The following PCNX1 variants were observed in gnomAD, a reference collection of about 807,000 sequenced individuals.
PCNX1 encodes the protein pecanex-like protein 1.
A neutral mutation model predicts 242.2 loss-of-function variants in PCNX1; 78 were observed. The observed-to-expected ratio is 0.32, with a 90% CI of 0.27 to 0.39. PCNX1 has a LOEUF of 0.39. Among genes scored for constraint, PCNX1 ranks in the 10% least tolerant of loss-of-function variants. PCNX1 has a pLI of 1.00. For missense variants in PCNX1, 2,581 were observed against 2,856.5 expected, an observed-to-expected ratio of 0.90 and a Z score of 2.20; for synonymous variants, 1,024 against 1,032.9, an observed-to-expected ratio of 0.99 and a Z score of 0.17.
chr14:70,989,446 C>A lies in PCNX1; in HGVS notation c.2444+747C>A, dbSNP rs75319187. On this transcript the variant is annotated intron_variant, in intron 7 of 35. Transcript: ENST00000304743. ...TTTATTCTTAATTACATCAAATCTG[C>A]TGAATCTATGCCCTGAATTAGAAAT... 9.7e-3 allele frequency among the ~76,000 whole-genome samples: 1,465 copies of A among 151,738 alleles called. 19 individuals carry two copies. Among genetic ancestry groups the A allele is most frequent in the African/African-American group, 0.033 (1,354 of 41,390 alleles).
intron 1 of PCNX1, among the ~76,000 whole-genome samples, chr14:70,911,643 G>C (rs2526875): frequency 0.5 from 76,121 of 151,872 alleles, 19,706 homozygotes; most frequent in Non-Finnish European, 0.57. Context: ...TCTTGGCTTT[G>C]TTATTGATTG....
chr14:71,023,535 G>A (rs2060161445), intron 13 of PCNX1, among the ~76,000 whole-genome samples: 1 of 151,976 alleles, frequency 6.6e-6, no homozygotes, highest in Admixed American at 6.6e-5. Context: ...GATTATTTGT[G>A]TTTAATACAT....
intron 5 of PCNX1, among the ~76,000 whole-genome samples, chr14:70,974,244 G>GTTTTTTTTTTTT (rs1202073692): frequency 1.2e-4 from 14 of 117,240 alleles, no homozygotes; most frequent in South Asian, 2.8e-4. Context: ...TTTTTTTGTT[G>GTTTTTTTTTTTT]TTTTTTTTTT....
chr14:70,989,064 T>G (rs1444022839), intron 7 of PCNX1, among the ~76,000 whole-genome samples: 1 of 152,076 alleles, frequency 6.6e-6, no homozygotes, highest in African/African-American at 2.4e-5. Context: ...TAATATAATA[T>G]GAACAAATAC....
intron 30 of PCNX1, 27 bp downstream of exon 30, chr14:71,089,369 A>T (rs777978244): frequency 6.4e-7 from 1 of 1,560,424 alleles, no homozygotes; most frequent in African/African-American, 1.4e-5. Flanking sequence ...TTTCTAATTC[A>T]TTACTGGTGT....
rs2061049399 is a variant in PCNX1 at position 71,051,956 on chromosome 14, T to C, written c.4521T>C (p.Ser1507=). ...CTCCACTGAACCCCTTTCTGGGAAG[T>C]GCAATATTCATCACTTCATATGTCC... ...FSTPLNPFLG[S]AIFITSYVRP... is the part of the protein sequence containing the mutation. The change falls in exon 24 of 36, where the codon AGT becomes AGC. Residue 1507 remains serine, a synonymous_variant. Coordinates refer to ENST00000304743, the MANE Select transcript of PCNX1 (RefSeq NM_014982.3). 2 of 1,613,410 alleles carry C rather than the reference T, an allele frequency of 1.2e-6. No homozygotes were observed. Among genetic ancestry groups the C allele is most frequent in the Non-Finnish European group, 1.7e-6 (2 of 1,179,518 alleles).
intron 26 of PCNX1, among the ~76,000 whole-genome samples, chr14:71,061,464 A>G (rs568289003): frequency 3.3e-5 from 5 of 152,186 alleles, no homozygotes; most frequent in African/African-American, 9.7e-5. Context: ...CCCGGTATCA[A>G]AGTGGTATTT....
At chr14:70,945,487 T>A (rs1257885273) in intron 1 of PCNX1, among the ~76,000 whole-genome samples, 1 of 151,766 alleles carries the variant, frequency 6.6e-6, no homozygotes, top group Non-Finnish European at 1.5e-5. Flanking sequence ...ATACCTATTA[T>A]GCCGACACTC....
At chr14:70,925,496 C>T (rs1168577083) in intron 1 of PCNX1, among the ~76,000 whole-genome samples, 2 of 151,038 alleles carry the variant, frequency 1.3e-5, no homozygotes, top group African/African-American at 4.9e-5. Flanking sequence ...TTTCCAGTGA[C>T]TTCCGGTCAT....
rs78811999 is a variant in PCNX1 at position 70,935,332 on chromosome 14, A to G, written c.154-11583A>G. 8.6e-3 allele frequency among the ~76,000 whole-genome samples: 1,317 copies of G among 152,292 alleles called. 10 individuals carry two copies. The highest frequency in any genetic ancestry group is 0.03 in the African/African-American group (1,242 of 41,548). On this transcript the variant is annotated intron_variant, in intron 1 of 35. Coordinates refer to ENST00000304743, the MANE Select transcript of PCNX1 (RefSeq NM_014982.3). ...AAGGTTGAGGTGGGAGAATCACTTG[A>G]GGCCAAGAGTTTGAGAACAGCCTGG...
In PCNX1 at chr14:71,006,820, G is replaced by C. The variant is rs7145484; in HGVS notation, c.2630-2814G>C. Among the ~76,000 whole-genome samples, 550 of 152,000 alleles carry C rather than the reference G, an allele frequency of 3.6e-3. 1 individual carries two copies. The highest frequency in any genetic ancestry group is 0.013 in the African/African-American group (534 of 41,460). On this transcript the variant is annotated intron_variant, in intron 8 of 35. Coordinates refer to ENST00000304743, the MANE Select transcript of PCNX1 (RefSeq NM_014982.3). ...TTACATTTAGTAATTTCTTTTTCTG[G>C]TGTGTTTATCTTCAGAGTAAAATTT...
intron 18 of PCNX1, among the ~76,000 whole-genome samples, chr14:71,035,413 A>G (rs2060500934): frequency 6.6e-6 from 1 of 152,226 alleles, no homozygotes; most frequent in African/African-American, 2.4e-5. Flanking sequence ...AAATATGAGG[A>G]AATTGAGGAA....
chr14:70,924,426 A>G (rs1336726167), intron 1 of PCNX1, among the ~76,000 whole-genome samples: 2 of 152,116 alleles, frequency 1.3e-5, no homozygotes, highest in East Asian at 3.8e-4. Flanking sequence ...TGTCACAACC[A>G]GTGAGCCAAT....
chr14:71,043,717 G>A (rs1005455227), intron 19 of PCNX1, among the ~76,000 whole-genome samples: 1 of 151,918 alleles, frequency 6.6e-6, no homozygotes, highest in Non-Finnish European at 1.5e-5. Flanking sequence ...TCTCATTTAG[G>A]TCATGAATTG....
At chr14:71,104,702 G>A (rs1272241170) in intron 32 of PCNX1, among the ~76,000 whole-genome samples, 1 of 152,082 alleles carries the variant, frequency 6.6e-6, no homozygotes, top group African/African-American at 2.4e-5. Flanking sequence ...AGCTGAGGTG[G>A]GCAGATCATA....
chr14:71,067,309 A>G (rs1235781669), intron 26 of PCNX1, among the ~76,000 whole-genome samples: 2 of 152,116 alleles, frequency 1.3e-5, no homozygotes, highest in Non-Finnish European at 2.9e-5. Flanking sequence ...TGGTCTATTC[A>G]GGGGTTCAAC....
chr14:71,074,625 TG>T (rs1285717621), intron 27 of PCNX1, among the ~76,000 whole-genome samples: 1 of 152,194 alleles, frequency 6.6e-6, no homozygotes, highest in African/African-American at 2.4e-5. Context: ...TCGAGCTTGG[TG>T]TCCTGTCACG....
intron 24 of PCNX1, among the ~76,000 whole-genome samples, chr14:71,054,390 T>A (rs1033306611): frequency 6.6e-6 from 1 of 152,230 alleles, no homozygotes; most frequent in African/African-American, 2.4e-5. Context: ...TTTTAAAATA[T>A]GTTCATTGGC....
intron 1 of PCNX1, among the ~76,000 whole-genome samples, chr14:70,938,818 G>T (rs984706319): frequency 2.6e-5 from 4 of 152,136 alleles, no homozygotes; most frequent in African/African-American, 9.7e-5. Flanking sequence ...CCTGCTATTG[G>T]TGTATTCAGG....
Sources: gnomAD v4.1 joint callset for allele counts (sites outside exome capture counted in the v4.1 genomes callset) on GRCh38, gnomAD v4.1.1 for gene constraint, MANE v1.5 for transcripts, NCBI Gene and HGNC (gene_info 2026-07-23, HGNC 2026-07-21) for gene names.